Variants in KIRREL3 observed in about 807,000 individuals in gnomAD.
KIRREL3 encodes the protein kin of IRRE-like protein 3.
In KIRREL3, 36 loss-of-function variants were observed where a neutral mutation model predicts 89.7. That is an observed-to-expected ratio of 0.40 (90% CI 0.31 to 0.53). The LOEUF (loss-of-function observed/expected upper bound fraction) is 0.53. Ranked by LOEUF, KIRREL3 falls within the 20% of genes least tolerant of loss-of-function variation. KIRREL3 has a pLI of 0.49. For missense variants in KIRREL3, 864 were observed against 1,056.6 expected (o/e 0.82, Z 2.53); for synonymous variants, 445 against 441.4 (o/e 1.01, Z -0.10).
At chr11:126,538,086 C>T (rs1158056201) in intron 2 of KIRREL3, among the ~76,000 whole-genome samples, 3 of 152,044 alleles carry the variant, frequency 2.0e-5, no homozygotes, top group African/African-American at 7.2e-5. Context: ...GGAGGCTTTG[C>T]AAATTTGAAG....
Position 126,906,378 on chromosome 11 carries a change from A to T in KIRREL3, c.55+94077T>A, listed in dbSNP as rs1318151966. ...AGGTATTGGGAGAACTGGAATGATC[A>T]GTCTTATCAAAAGAGGGAAACTGAG... On this transcript the variant is annotated intron_variant, in intron 1 of 16. Transcript: ENST00000525144. The surrounding 1 kb of genome is among the most constrained non-coding windows in gnomAD (Gnocchi z 4.1). Among the ~76,000 whole-genome samples the T allele has an allele frequency of 6.6e-6, 1 of 152,222 alleles. No individual in the cohort carries two copies. The highest frequency in any genetic ancestry group is 6.5e-5 in the Admixed American group (1 of 15,282).
At position 126,550,141 on chromosome 11, in the gene KIRREL3, A is replaced by G. The variant is rs1455919183; in HGVS notation, c.133+12694T>C. The G allele has an allele frequency of 6.6e-6, 1 of 152,256 alleles. No homozygotes were observed. Among genetic ancestry groups the G allele is most frequent in the African/African-American group, 2.4e-5 (1 of 41,450 alleles). 9.4% of individuals were successfully genotyped at this position (152,256 alleles called of 1,614,324 possible). On this transcript the variant is annotated intron_variant, in intron 2 of 16. Transcript: ENST00000525144. This position sits in a 1 kb window ranked among gnomAD's most constrained non-coding sequence, Gnocchi z 4.9. ...GCAGGGACTGTGTTTTTACATGCACAGCGCCAGGCACAGAGCGGGTACTGG... is the reference window on the plus strand; with the variant it reads ...GCAGGGACTGTGTTTTTACATGCACGGCGCCAGGCACAGAGCGGGTACTGG...
Position 126,436,884 on chromosome 11 carries a change from G to A in KIRREL3, c.1479C>T (p.Phe493=). ...AGGCCGTGCAGTTGTAGATGGTCTG[G>A]AAGTCGGCCCGCACGATGTTGCTGA... The part of the protein sequence containing the change: ...LTISNIVRAD[F]QTIYNCTAWN... Residue 493 remains phenylalanine, a synonymous_variant, in exon 12 of 17, where the codon TTC becomes TTT. Transcript: ENST00000525144. The A allele has an allele frequency of 6.2e-7, 1 of 1,613,690 alleles. No homozygotes were observed. Among genetic ancestry groups the A allele is most frequent in the South Asian group, 1.1e-5 (1 of 91,056 alleles).
intron 1 of KIRREL3, among the ~76,000 whole-genome samples, chr11:126,922,834 G>A (rs958161204): frequency 1.3e-5 from 2 of 152,012 alleles, no homozygotes; most frequent in South Asian, 2.1e-4. Context: ...TGCATTTCCC[G>A]GACTCATTTC....
rs964843949 is a variant in KIRREL3, at chr11:126,565,476, C to T, written c.56-2564G>A. ...TGTATTTGGCTCATTTAATTTGACA[C>T]GCGTGGGTTAGTCTTAATTATTTAG... On this transcript the variant is annotated intron_variant, in intron 1 of 16. Coordinates refer to ENST00000525144, the MANE Select transcript of KIRREL3 (RefSeq NM_032531.4). This position sits in a 1 kb window ranked among gnomAD's most constrained non-coding sequence, Gnocchi z 5.4. Among the ~76,000 whole-genome samples the T allele has an allele frequency of 4.6e-5, 7 of 152,252 alleles. No homozygotes were observed. Among genetic ancestry groups the T allele is most frequent in the East Asian group, 1.9e-4 (1 of 5,178 alleles).
intron 1 of KIRREL3, among the ~76,000 whole-genome samples, chr11:126,801,893 C>T (rs914170182): frequency 6.6e-6 from 1 of 152,056 alleles, no homozygotes; most frequent in Non-Finnish European, 1.5e-5. Flanking sequence ...TCTAACTGCA[C>T]CATGGTACTC....
intron 1 of KIRREL3, among the ~76,000 whole-genome samples, chr11:126,717,541 G>C (rs1332159261): frequency 6.6e-6 from 1 of 152,138 alleles, no homozygotes; most frequent in Non-Finnish European, 1.5e-5. Flanking sequence ...GGTTGGCGTG[G>C]CCAGGCTTGG....
At chr11:126,425,113 G>C in intron 16 of KIRREL3, 90 bp from the exon 17 acceptor site, 2 of 1,244,554 alleles carry the variant, frequency 1.6e-6, no homozygotes, top group South Asian at 1.6e-5. Flanking sequence ...CCCCTTATGC[G>C]GGGAGGGAAG....
rs781580025 is a variant in KIRREL3 at position 126,431,333 on chromosome 11, C to G, written c.1696+86G>C. 6.4e-7 allele frequency: 1 copy of G among 1,567,286 alleles called. No individual in the cohort carries two copies. Among genetic ancestry groups the G allele is most frequent in the Non-Finnish European group, 8.7e-7 (1 of 1,155,924 alleles). On this transcript the variant is annotated intron_variant, in intron 14 of 16. Coordinates refer to ENST00000525144, the MANE Select transcript of KIRREL3 (RefSeq NM_032531.4). This position sits in a 1 kb window ranked among gnomAD's most constrained non-coding sequence, Gnocchi z 7.1. ...ACTGTTAGGACCCCTGTTCATTGCA[C>G]TCCTGCTTACTTGCTCTCCGGGGCA...
intron 1 of KIRREL3, among the ~76,000 whole-genome samples, chr11:126,845,164 C>T (rs1944097769): frequency 6.6e-6 from 1 of 152,080 alleles, no homozygotes; most frequent in Non-Finnish European, 1.5e-5. Context: ...TATGTTTTGT[C>T]ACATGTATTT....
At position 126,883,531 on chromosome 11, in the gene KIRREL3, T is replaced by C. The variant is rs1054715650; in HGVS notation, c.55+116924A>G. Among the ~76,000 whole-genome samples the C allele has an allele frequency of 1.1e-4, 16 of 152,232 alleles. No individual in the cohort carries two copies. Among genetic ancestry groups the C allele is most frequent in the African/African-American group, 3.6e-4 (15 of 41,540 alleles). On this transcript the variant is annotated intron_variant, in intron 1 of 16. Coordinates refer to ENST00000525144, the MANE Select transcript of KIRREL3 (RefSeq NM_032531.4). The surrounding 1 kb of genome is among the most constrained non-coding windows in gnomAD (Gnocchi z 4.1). ...ACGTCCTTAACTCATCTTCTCCACC[T>C]GGAAAAAATCCAAACCTTTGATGAA...
At chr11:126,591,988 T>G (rs1942158265) in intron 1 of KIRREL3, among the ~76,000 whole-genome samples, 1 of 152,114 alleles carries the variant, frequency 6.6e-6, no homozygotes, top group African/African-American at 2.4e-5. Context: ...TATCACATCC[T>G]TCAGGGTGCA....
rs867645550 is a variant in KIRREL3, at chr11:126,799,384, G to A, written c.55+201071C>T. Among the ~76,000 whole-genome samples the A allele has an allele frequency of 2.7e-3, 169 of 63,500 alleles. No homozygotes were observed. The Middle Eastern group carries it at 0.053, about 20-fold the overall frequency. The allele number at this position is 63,500 out of a possible 152,430, so 41.7% of individuals were successfully genotyped here. A position where few individuals can be genotyped will look rare whatever the true frequency, so the allele number is the denominator to read the frequency against. The stretch of plus-strand genomic sequence containing the variant: ...TATCTGTGTATCTGTGTGTGCATGC[G>A]TGTATCTGTGTGTGCATCTATCTGT... On this transcript the variant is annotated intron_variant, in intron 1 of 16. Transcript: ENST00000525144.
rs1322974395 is a variant in KIRREL3, at chr11:126,970,997, T to A, written c.55+29458A>T. ...GCACAGGTAGTTTTAGGATTTAACA[T>A]GTTTAGTAAACATTGCTTTTCCATT... On this transcript the variant is annotated intron_variant, in intron 1 of 16. Transcript: ENST00000525144. This position sits in a 1 kb window ranked among gnomAD's most constrained non-coding sequence, Gnocchi z 4.4. 6.6e-6 allele frequency among the ~76,000 whole-genome samples: 1 copy of A among 152,226 alleles called. No homozygotes were observed. The highest frequency in any genetic ancestry group is 2.4e-5 in the African/African-American group (1 of 41,470).
At chr11:126,713,415 C>A (rs930876610) in intron 1 of KIRREL3, among the ~76,000 whole-genome samples, 1 of 152,160 alleles carries the variant, frequency 6.6e-6, no homozygotes, top group Non-Finnish European at 1.5e-5. Flanking sequence ...GCCTTTTATG[C>A]CATTCTTAGA....
rs1388996304 is a variant in KIRREL3, at chr11:126,551,735, T to A, written c.133+11100A>T. Among the ~76,000 whole-genome samples the A allele has an allele frequency of 6.6e-6, 1 of 150,578 alleles. No individual in the cohort carries two copies. Among genetic ancestry groups the A allele is most frequent in the Non-Finnish European group, 1.5e-5 (1 of 67,864 alleles). The stretch of plus-strand genomic sequence containing the variant: ...TGTGACCTCGGCTCACTGCAACCTC[T>A]CCTGGGTTCAAGCGATTCTCCTGCC... On this transcript the variant is annotated intron_variant, in intron 2 of 16. Transcript: ENST00000525144. The surrounding 1 kb of genome is among the most constrained non-coding windows in gnomAD (Gnocchi z 4.9).
chr11:126,633,877 C>T (rs1173183354), intron 1 of KIRREL3, among the ~76,000 whole-genome samples: 1 of 152,156 alleles, frequency 6.6e-6, no homozygotes, highest in Non-Finnish European at 1.5e-5. Context: ...ATGAAAAGAA[C>T]AGGAAGAGCA....
intron 5 of KIRREL3, among the ~76,000 whole-genome samples, chr11:126,469,601 G>A (rs1009371099): frequency 7.9e-5 from 12 of 152,214 alleles, no homozygotes; most frequent in South Asian, 4.1e-4. Context: ...ACACAGCCCC[G>A]TGCCTGGGGA....
At chr11:126,894,573 AAAAGAAAGAAAG>A (rs534000266) in intron 1 of KIRREL3, among the ~76,000 whole-genome samples, 11 of 136,882 alleles carry the variant, frequency 8.0e-5, no homozygotes, top group East Asian at 4.3e-4. Flanking sequence ...AAAAAAAAGG[AAAAGAAAGAAAG>A]AAAGAAAGAA....
Sources: gnomAD v4.1 joint callset for allele counts (sites outside exome capture counted in the v4.1 genomes callset) on GRCh38, gnomAD v4.1.1 for gene constraint, Gnocchi (gnomAD v3.1) non-coding constraint, MANE v1.5 for transcripts, NCBI Gene and HGNC (gene_info 2026-07-23, HGNC 2026-07-21) for gene names.